Variants in PHLPP1 observed in about 807,000 individuals in gnomAD.
The protein encoded by PHLPP1 is PH domain and leucine rich repeat protein phosphatase 1.
Under a neutral mutation model 117.2 loss-of-function variants are expected in PHLPP1, and 42 were observed. That is an observed-to-expected ratio of 0.36 (90% confidence interval 0.28 to 0.46). The LOEUF is 0.46. PHLPP1 is among the 20% of genes least tolerant of loss of function. The probability of loss-of-function intolerance (pLI) is 1.00; values close to 1 mark genes in which losing one functional copy is unlikely to be tolerated. For missense variants in PHLPP1, 2,084 were observed against 2,241.9 expected, an observed-to-expected ratio of 0.93 and a Z score of 1.42; for synonymous variants, 1,042 against 970.7, an observed-to-expected ratio of 1.07 and a Z score of -1.37.
intron 3 of PHLPP1, among the ~76,000 whole-genome samples, chr18:62,846,794 G>C (rs1915194039): frequency 6.6e-6 from 1 of 152,138 alleles, no homozygotes; most frequent in Non-Finnish European, 1.5e-5. Context: ...ATTTTGGATT[G>C]TATTAAGTTT....
intron 14 of PHLPP1, among the ~76,000 whole-genome samples, chr18:62,969,146 A>G (rs1386022230): frequency 1.3e-5 from 2 of 152,110 alleles, no homozygotes; most frequent in East Asian, 1.9e-4. Context: ...GCCTCAAGCA[A>G]TCCTCCTGCC....
At chr18:62,891,138 T>C (rs138460797) in intron 4 of PHLPP1, among the ~76,000 whole-genome samples, 84 of 152,334 alleles carry the variant, frequency 5.5e-4, no homozygotes, top group African/African-American at 1.8e-3. Flanking sequence ...ATTAAAAATA[T>C]TTATTGTTTA....
At chr18:62,931,820 G>A (rs757788575) in intron 10 of PHLPP1, among the ~76,000 whole-genome samples, 10 of 150,354 alleles carry the variant, frequency 6.7e-5, no homozygotes, top group African/African-American at 9.8e-5. Context: ...GCTTGAATCC[G>A]GGAGGCGGAG....
intron 1 of PHLPP1, among the ~76,000 whole-genome samples, chr18:62,760,592 A>G (rs890150811): frequency 2.0e-5 from 3 of 152,226 alleles, no homozygotes; most frequent in Non-Finnish European, 4.4e-5. Context: ...TGGAATGGAT[A>G]TAATCCCACC....
At chr18:62,864,645 A>G (rs1459231080) in intron 4 of PHLPP1, among the ~76,000 whole-genome samples, 3 of 152,230 alleles carry the variant, frequency 2.0e-5, no homozygotes, top group Non-Finnish European at 4.4e-5. Context: ...AATAAGTAAA[A>G]TTATCCCAAG....
chr18:62,740,922 C>T (rs149187495), intron 1 of PHLPP1, among the ~76,000 whole-genome samples: 3 of 151,904 alleles, frequency 2.0e-5, no homozygotes, highest in East Asian at 3.9e-4. Flanking sequence ...TGCAGTGAGC[C>T]GAGATCATGC....
intron 1 of PHLPP1, among the ~76,000 whole-genome samples, chr18:62,729,856 A>G (rs1254690949): frequency 6.6e-6 from 1 of 152,228 alleles, no homozygotes; most frequent in African/African-American, 2.4e-5. Flanking sequence ...AAGAAATTAT[A>G]TAGTATTTTG....
intron 1 of PHLPP1, among the ~76,000 whole-genome samples, chr18:62,775,867 C>A (rs940595193): frequency 3.3e-5 from 5 of 152,112 alleles, no homozygotes; most frequent in Non-Finnish European, 7.4e-5. Flanking sequence ...TACCCTTGAC[C>A]TAGGGAACCA....
At chr18:62,745,620 T>G (rs1338594917) in intron 1 of PHLPP1, among the ~76,000 whole-genome samples, 1 of 152,136 alleles carries the variant, frequency 6.6e-6, no homozygotes, top group African/African-American at 2.4e-5. Context: ...AATTAGAGGT[T>G]TTTTGGAGTA....
chr18:62,793,284 C>T (rs1435766620), intron 1 of PHLPP1, among the ~76,000 whole-genome samples: 2 of 152,314 alleles, frequency 1.3e-5, no homozygotes, highest in East Asian at 3.9e-4. Context: ...CATAGAAAAT[C>T]CATTCTGGAA....
At chr18:62,829,112 T>C (rs1049306289) in intron 1 of PHLPP1, among the ~76,000 whole-genome samples, 1 of 152,342 alleles carries the variant, frequency 6.6e-6, no homozygotes, top group South Asian at 2.1e-4. Context: ...TCATTGCTTA[T>C]TTCTCTGTCT....
intron 4 of PHLPP1, among the ~76,000 whole-genome samples, chr18:62,886,911 A>G (rs967903085): frequency 1.1e-4 from 17 of 152,154 alleles, no homozygotes; most frequent in Non-Finnish European, 2.5e-4. Context: ...CATGAGTTAT[A>G]TTTCTTTCTT....
chr18:62,920,095 C>T lies in PHLPP1; in HGVS notation c.2941C>T (p.Leu981Phe). Residue 981 changes from leucine to phenylalanine, a missense_variant, in exon 10 of 17, where the codon CTT (leucine) becomes TTT (phenylalanine). Transcript: ENST00000262719. ...CCAGCTCCTTGAGCTCCCACCTAAC[C>T]TTCTGATGAAGGCTGACAGGTAAAG... Reference protein sequence around the residue: ...HNQLLELPPNLLMKADSLRFL... With the variant: ...HNQLLELPPNFLMKADSLRFL... 6.2e-7 allele frequency: 1 copy of T among 1,613,752 alleles called. No individual in the cohort carries two copies.
intron 14 of PHLPP1, among the ~76,000 whole-genome samples, chr18:62,965,855 A>AG (rs1910886684): frequency 6.6e-6 from 1 of 151,690 alleles, no homozygotes. Flanking sequence ...AAAAAAAGAA[A>AG]GAAAAAAAAA....
At chr18:62,900,461 T>C (rs1292021069) in intron 6 of PHLPP1, among the ~76,000 whole-genome samples, 1 of 101,560 alleles carries the variant, frequency 9.8e-6, no homozygotes, top group Non-Finnish European at 2.1e-5. Context: ...TTTTTTTTTT[T>C]GAGACAGGGT....
intron 4 of PHLPP1, among the ~76,000 whole-genome samples, chr18:62,870,135 A>G (rs1013742726): frequency 2.0e-5 from 3 of 152,066 alleles, no homozygotes; most frequent in Admixed American, 6.6e-5. Context: ...TGACCTTGTG[A>G]TCTGCCAGCC....
At chr18:62,805,515 C>T (rs780774944) in intron 1 of PHLPP1, among the ~76,000 whole-genome samples, 1 of 152,068 alleles carries the variant, frequency 6.6e-6, no homozygotes, top group Non-Finnish European at 1.5e-5. Flanking sequence ...GCGCCCCACA[C>T]CTGGCTAACT....
At chr18:62,759,601 A>T (rs1912147906) in intron 1 of PHLPP1, among the ~76,000 whole-genome samples, 1 of 152,206 alleles carries the variant, frequency 6.6e-6, no homozygotes, top group African/African-American at 2.4e-5. Flanking sequence ...AACCACACTG[A>T]TATGCTTACT....
chr18:62,921,365 T>A (rs1324238766), intron 10 of PHLPP1, among the ~76,000 whole-genome samples: 1 of 152,240 alleles, frequency 6.6e-6, no homozygotes, highest in Non-Finnish European at 1.5e-5. Context: ...AAATGTTAGC[T>A]ATGTTTCAGC....
Sources: gnomAD v4.1 joint callset for allele counts (sites outside exome capture counted in the v4.1 genomes callset) on GRCh38, gnomAD v4.1.1 for gene constraint, MANE v1.5 for transcripts, NCBI Gene and HGNC (gene_info 2026-07-23, HGNC 2026-07-21) for gene names.